The following NEK1 variants were observed in gnomAD, a reference collection of about 807,000 sequenced individuals.
The protein encoded by NEK1 is NIMA related kinase 1.
Under a neutral mutation model 182.1 loss-of-function variants are expected in NEK1, and 137 were observed. That is an observed-to-expected ratio of 0.75 (90% confidence interval 0.65 to 0.87). NEK1 has a LOEUF of 0.87. Ranked by LOEUF, NEK1 falls within the 40% of genes least tolerant of loss-of-function variation. The pLI is 0.00. For synonymous variants in NEK1, 513 were observed against 492.2 expected (o/e 1.04, Z -0.56); for missense variants, 1,391 against 1,494.4 (o/e 0.93, Z 1.14).
chr4:169,532,215 TAC>T (rs1396137979), intron 19 of NEK1, among the ~76,000 whole-genome samples: 5 of 152,178 alleles, frequency 3.3e-5, no homozygotes, highest in African/African-American at 1.2e-4. Context: ...CATTGAGATA[TAC>T]ACTTAGAATT....
Position 169,394,515 on chromosome 4 carries a change from C to T in NEK1, c.3856G>A (p.Glu1286Lys). 7.1e-7 allele frequency: 1 copy of T among 1,411,220 alleles called. No individual in the cohort carries two copies. The highest frequency in any genetic ancestry group is 9.7e-7 in the Non-Finnish European group (1 of 1,026,438). 87.4% of individuals were successfully genotyped at this position (1,411,220 alleles called of 1,614,324 possible). Residue 1286 changes from glutamate (E) to lysine (K), a missense_variant, in exon 36 of 36, where the codon GAA becomes AAA. Glu to Lys is a moderately conservative substitution (Grantham distance 56). This residue lies in a region of NEK1 where 1,216 missense variants were observed against 1,277.6 expected (regional missense o/e 0.95). Transcript: ENST00000507142. ...ATTAAAAAACATTTTGAGGATTATT[C>T]ATCATTATCTGTAGAAAAAAGAAAA... Reference protein sequence around the residue: ...ADGAYQEDNDE With the variant: ...ADGAYQEDNDK
At chr4:169,490,220 C>T (rs1170207064) in intron 23 of NEK1, among the ~76,000 whole-genome samples, 1 of 152,154 alleles carries the variant, frequency 6.6e-6, no homozygotes, top group Admixed American at 6.5e-5. Context: ...CACTACACTA[C>T]CGTGCCTACC....
intron 8 of NEK1, 40 bp from the exon 9 acceptor site, chr4:169,587,653 C>G: frequency 8.0e-7 from 1 of 1,255,720 alleles, no homozygotes; most frequent in Admixed American, 2.2e-5. Flanking sequence ...CTAAGTATTT[C>G]AAATTTTTTC....
At chr4:169,505,578 T>C (rs551790650) in intron 23 of NEK1, among the ~76,000 whole-genome samples, 5 of 152,372 alleles carry the variant, frequency 3.3e-5, no homozygotes, top group South Asian at 4.1e-4. Context: ...AAAAGTCGTA[T>C]GTGAATTTTT....
At chr4:169,466,118 A>G (rs1415437429) in intron 26 of NEK1, among the ~76,000 whole-genome samples, 1 of 152,094 alleles carries the variant, frequency 6.6e-6, no homozygotes, top group Non-Finnish European at 1.5e-5. Context: ...CAAGCTAGAG[A>G]GAAGACTGAC....
chr4:169,596,133 G>A (rs184868618), intron 5 of NEK1, among the ~76,000 whole-genome samples: 1 of 152,214 alleles, frequency 6.6e-6, no homozygotes, highest in Admixed American at 6.5e-5. Context: ...AAATTTGGTA[G>A]AGAATGTATC....
chr4:169,582,555 TTTTC>T (rs1306233679), intron 10 of NEK1, among the ~76,000 whole-genome samples: 1 of 152,180 alleles, frequency 6.6e-6, no homozygotes, highest in Non-Finnish European at 1.5e-5. Flanking sequence ...ATTTTTTTCC[TTTTC>T]TTTTTCTTGG....
chr4:169,558,902 G>C (rs1405604782), intron 16 of NEK1, among the ~76,000 whole-genome samples: 1 of 152,032 alleles, frequency 6.6e-6, no homozygotes, highest in Non-Finnish European at 1.5e-5. Flanking sequence ...TTCTTTTGGG[G>C]AATCTCCTTA....
chr4:169,406,771 C>A (rs1732701265), intron 31 of NEK1, 24 bp from the exon 32 acceptor site: 6 of 1,540,718 alleles, frequency 3.9e-6, no homozygotes, highest in Non-Finnish European at 5.3e-6. Flanking sequence ...CAACAAATTT[C>A]TTATTAGGAG....
At chr4:169,586,687 T>A (rs1160938926) in intron 9 of NEK1, among the ~76,000 whole-genome samples, 2 of 151,948 alleles carry the variant, frequency 1.3e-5, no homozygotes, top group Admixed American at 1.3e-4. Flanking sequence ...CCCACATTAC[T>A]TTGTCAGCTT....
intron 27 of NEK1, among the ~76,000 whole-genome samples, chr4:169,462,666 G>A (rs1414897190): frequency 6.6e-6 from 1 of 152,042 alleles, no homozygotes; most frequent in African/African-American, 2.4e-5. Context: ...ACACACTCCT[G>A]CCTAGACACA....
rs765781871 is a variant in NEK1, at chr4:169,555,935, T to C, written c.1427A>G (p.Glu476Gly). 3.1e-6 allele frequency: 5 copies of C among 1,613,512 alleles called. No individual in the cohort carries two copies. In the East Asian group the frequency reaches 1.1e-4, roughly 36 times the overall value. Residue 476 changes from glutamate to glycine, a missense_variant, in exon 17 of 36, where the codon GAA (glutamate) becomes GGA (glycine). Glu to Gly is a moderately conservative substitution (Grantham distance 98). This residue lies in a region of NEK1 where 1,216 missense variants were observed against 1,277.6 expected (regional missense o/e 0.95). Coordinates refer to ENST00000507142, the MANE Select transcript of NEK1 (RefSeq NM_001199397.3). Reference protein sequence around the residue: ...KREIYGRGLPERGILPGVRPG... With the variant: ...KREIYGRGLPGRGILPGVRPG... ...CTTCTGCAGAACATAGCCATACCTT[T>C]CTGGAAGACCTCGACCATATATTTC... is the stretch of plus-strand genomic sequence containing the variant.
At chr4:169,426,636 T>C (rs1350477230) in intron 29 of NEK1, among the ~76,000 whole-genome samples, 1 of 152,196 alleles carries the variant, frequency 6.6e-6, no homozygotes, top group Admixed American at 6.5e-5. Flanking sequence ...ATGCTAATGT[T>C]TGAGAACCAC....
intron 27 of NEK1, among the ~76,000 whole-genome samples, chr4:169,446,428 A>G (rs905100457): frequency 1.3e-5 from 2 of 152,158 alleles, no homozygotes; most frequent in African/African-American, 4.8e-5. Flanking sequence ...CCTAGAGGTA[A>G]TAGACAAATT....
At chr4:169,504,231 G>A (rs752883523) in intron 23 of NEK1, among the ~76,000 whole-genome samples, 1 of 152,140 alleles carries the variant, frequency 6.6e-6, no homozygotes, top group Non-Finnish European at 1.5e-5. Flanking sequence ...AACAAATGCT[G>A]GCGAGGATGT....
intron 19 of NEK1, among the ~76,000 whole-genome samples, chr4:169,521,806 T>C (rs1756103953): frequency 6.6e-6 from 1 of 152,222 alleles, no homozygotes; most frequent in African/African-American, 2.4e-5. Flanking sequence ...GTTATTCAAA[T>C]TGGTGTACTT....
At chr4:169,418,175 T>C (rs1266496553) in intron 31 of NEK1, among the ~76,000 whole-genome samples, 1 of 152,142 alleles carries the variant, frequency 6.6e-6, no homozygotes, top group Non-Finnish European at 1.5e-5. Context: ...GTGGAGGCCC[T>C]AGAGGGTCAT....
At chr4:169,541,514 A>T (rs1277148963) in intron 18 of NEK1, among the ~76,000 whole-genome samples, 1 of 152,170 alleles carries the variant, frequency 6.6e-6, no homozygotes, top group Non-Finnish European at 1.5e-5. Context: ...AGAAACAGGC[A>T]AATATAGGTG....
In NEK1 at chr4:169,599,135, T is replaced by C. The variant is rs201350526; in HGVS notation, c.277A>G (p.Asn93Asp). The C allele has an allele frequency of 2.8e-4, 446 of 1,613,536 alleles. 3 individuals carry two copies. The highest frequency in any genetic ancestry group is 5.5e-5 in the Non-Finnish European group (65 of 1,179,744). ...TGAAACAAAACGCCTTTCTGAGCAT[T>C]TATTCGCTTAAACAGATCCCCTCCC... ...CEGGDLFKRI[N>D]AQKGVLFQED... Residue 93 changes from asparagine to aspartate, a missense_variant, in exon 5 of 36, where the codon AAT becomes GAT. This residue lies in a region of NEK1 where 116 missense variants were observed against 114.5 expected (regional missense o/e 1.01). Coordinates refer to ENST00000507142, the MANE Select transcript of NEK1 (RefSeq NM_001199397.3).
Sources: gnomAD v4.1 joint callset for allele counts (sites outside exome capture counted in the v4.1 genomes callset) on GRCh38, gnomAD v4.1.1 for gene constraint, gnomAD v4.1.1 regional missense constraint, MANE v1.5 for transcripts, NCBI Gene and HGNC (gene_info 2026-07-23, HGNC 2026-07-21) for gene names.